TNS3: variants seen among roughly 807,000 people sequenced by gnomAD.
TNS3 encodes tensin-3.
Under a neutral mutation model 140.9 loss-of-function variants are expected in TNS3, and 45 were observed. The ratio of observed to expected loss-of-function variants is 0.32; its 90% CI spans 0.25 to 0.41. TNS3 has a LOEUF of 0.41. TNS3 is among the 10% of genes least tolerant of loss of function. TNS3 has a pLI of 1.00. For missense variants in TNS3, 1,716 were observed against 1,906.7 expected (o/e 0.90, Z 1.86); for synonymous variants, 815 against 788.4 (o/e 1.03, Z -0.56).
At chr7:47,536,086 GCCGGTA>G (rs997702503) in intron 1 of TNS3, among the ~76,000 whole-genome samples, 1 of 152,244 alleles carries the variant, frequency 6.6e-6, no homozygotes, top group African/African-American at 2.4e-5. Flanking sequence ...CCCACAGGGG[GCCGGTA>G]TCTGGGGCAA....
At chr7:47,463,622 A>G (rs1299206608) in intron 4 of TNS3, among the ~76,000 whole-genome samples, 3 of 152,172 alleles carry the variant, frequency 2.0e-5, no homozygotes, top group Non-Finnish European at 4.4e-5. Flanking sequence ...AGCATAATCA[A>G]CAACAGAAGC....
At chr7:47,532,624 C>T (rs1799449987) in intron 1 of TNS3, among the ~76,000 whole-genome samples, 1 of 152,150 alleles carries the variant, frequency 6.6e-6, no homozygotes, top group Non-Finnish European at 1.5e-5. Flanking sequence ...CTGTTTAACA[C>T]TTAATAAAGC....
chr7:47,538,163 G>T (rs1264542835), intron 1 of TNS3, among the ~76,000 whole-genome samples: 6 of 152,174 alleles, frequency 3.9e-5, no homozygotes, highest in Non-Finnish European at 1.5e-5. Flanking sequence ...GAAACGCCAG[G>T]AGGAGAGGCG....
chr7:47,581,061 T>C (rs1784520338), intron 1 of TNS3, among the ~76,000 whole-genome samples: 1 of 151,864 alleles, frequency 6.6e-6, no homozygotes. Context: ...CGCTTTGAGT[T>C]TTTCAACCAC....
intron 4 of TNS3, among the ~76,000 whole-genome samples, chr7:47,459,841 T>C (rs995373197): frequency 9.2e-5 from 14 of 152,174 alleles, no homozygotes; most frequent in African/African-American, 3.4e-4. Context: ...TGGTACCATC[T>C]GTTAATGGAT....
At chr7:47,404,176 C>A (rs888254257) in intron 13 of TNS3, among the ~76,000 whole-genome samples, 2 of 152,168 alleles carry the variant, frequency 1.3e-5, no homozygotes, top group Non-Finnish European at 2.9e-5. Flanking sequence ...ACAAAGGCTG[C>A]GCACAGCCTG....
intron 20 of TNS3, among the ~76,000 whole-genome samples, chr7:47,328,863 C>T (rs2150900835): frequency 6.6e-6 from 1 of 152,328 alleles, no homozygotes; most frequent in African/African-American, 2.4e-5. Context: ...GATTCTGGAT[C>T]CCTCAGCCTG....
At chr7:47,428,474 A>T in intron 8 of TNS3, 98 bp from the exon 9 acceptor site, 1 of 908,526 alleles carries the variant, frequency 1.1e-6, no homozygotes, top group Non-Finnish European at 1.5e-6. Flanking sequence ...AACAATAGAG[A>T]GCCTGCTTTG....
chr7:47,418,032 T>C (rs1036115754), intron 10 of TNS3, among the ~76,000 whole-genome samples: 1 of 152,192 alleles, frequency 6.6e-6, no homozygotes, highest in African/African-American at 2.4e-5. Flanking sequence ...CTCCCGCCTA[T>C]AATCCCAGCA....
Position 47,389,049 on chromosome 7 carries a change from A to C in TNS3, c.1024+7751T>G, listed in dbSNP as rs1190888622. Among the ~76,000 whole-genome samples the C allele has an allele frequency of 1.2e-3, 60 of 51,672 alleles. 11 individuals carry two copies. The highest frequency in any genetic ancestry group is 5.1e-3 in the African/African-American group (55 of 10,862). 33.9% of individuals were successfully genotyped at this position (51,672 alleles called of 152,430 possible). ...GAAGAAGAAGAAGAAGAAGAAGAAG[A>C]AGAAGAAGAAGAAGAAGAAGAAGAA... On this transcript the variant is annotated intron_variant, in intron 16 of 30. Coordinates refer to ENST00000311160, the MANE Select transcript of TNS3 (RefSeq NM_022748.12).
At chr7:47,503,460 C>T (rs1798301431) in intron 3 of TNS3, among the ~76,000 whole-genome samples, 1 of 152,024 alleles carries the variant, frequency 6.6e-6, no homozygotes, top group Non-Finnish European at 1.5e-5. Flanking sequence ...CAAGTGACAG[C>T]CAGGAAAAAA....
At chr7:47,491,764 G>A (rs1330156130) in intron 3 of TNS3, among the ~76,000 whole-genome samples, 1 of 152,198 alleles carries the variant, frequency 6.6e-6, no homozygotes, top group Non-Finnish European at 1.5e-5. Context: ...TTCACCTGAA[G>A]GAAGGCAGGG....
chr7:47,309,948 C>T (rs1308329179), intron 20 of TNS3, among the ~76,000 whole-genome samples: 1 of 152,230 alleles, frequency 6.6e-6, no homozygotes, highest in East Asian at 1.9e-4. Context: ...CCAGGGCTTA[C>T]TGGGCCAAAA....
chr7:47,541,504 G>GT (rs1434639500), intron 1 of TNS3, among the ~76,000 whole-genome samples: 1 of 152,018 alleles, frequency 6.6e-6, no homozygotes, highest in African/African-American at 2.4e-5. Context: ...AGAACAATGG[G>GT]TTTTTTAACA....
At chr7:47,532,907 G>T (rs891271704) in intron 1 of TNS3, among the ~76,000 whole-genome samples, 3 of 151,664 alleles carry the variant, frequency 2.0e-5, no homozygotes, top group Non-Finnish European at 4.4e-5. Context: ...AAACAAGAGA[G>T]ATAAAATGAA....
chr7:47,312,390 T>G (rs1308089525), intron 20 of TNS3, among the ~76,000 whole-genome samples: 4 of 152,344 alleles, frequency 2.6e-5, no homozygotes, highest in African/African-American at 9.6e-5. Flanking sequence ...TGTTTGTCCG[T>G]ATTTCTTTTC....
intron 4 of TNS3, among the ~76,000 whole-genome samples, chr7:47,446,688 CTTTTTTTTT>C (rs144042398): frequency 5.2e-5 from 5 of 96,680 alleles, no homozygotes; most frequent in African/African-American, 1.8e-4. Context: ...TCCAGGCTGC[CTTTTTTTTT>C]TTTTTTTTTT....
At chr7:47,509,702 C>A (rs1798540390) in intron 2 of TNS3, among the ~76,000 whole-genome samples, 2 of 152,044 alleles carry the variant, frequency 1.3e-5, no homozygotes, top group Non-Finnish European at 2.9e-5. Flanking sequence ...CAGCCCCCTG[C>A]CTGCCCTACC....
chr7:47,445,934 C>T lies in TNS3; in HGVS notation c.-75-3879G>A, dbSNP rs73328504. Among the ~76,000 whole-genome samples, 1,212 of 152,280 alleles carry T rather than the reference C, an allele frequency of 8.0e-3. 16 individuals carry two copies. The highest frequency in any genetic ancestry group is 0.028 in the African/African-American group (1,170 of 41,550). On this transcript the variant is annotated intron_variant, in intron 4 of 30. Transcript: ENST00000311160. Reference sequence around the variant, plus strand: ...ACAAATCTAAACCCTGTGTGTGCACCATAATGCATTTCATGACTGAAGGAT... The same window carrying T: ...ACAAATCTAAACCCTGTGTGTGCACTATAATGCATTTCATGACTGAAGGAT...
Sources: gnomAD v4.1 joint callset for allele counts (sites outside exome capture counted in the v4.1 genomes callset) on GRCh38, gnomAD v4.1.1 for gene constraint, MANE v1.5 for transcripts, NCBI Gene and HGNC (gene_info 2026-07-23, HGNC 2026-07-21) for gene names.